The following GALNT13 variants were observed in gnomAD, a reference collection of about 807,000 sequenced individuals.
The protein encoded by GALNT13 is polypeptide N-acetylgalactosaminyltransferase 13, also known as UDP-GalNAc:polypeptide N-acetylgalactosaminyltransferase 13.
A neutral mutation model predicts 64.2 loss-of-function variants in GALNT13; 28 were observed. The observed-to-expected ratio is 0.44, with a 90% CI of 0.32 to 0.60. GALNT13 has a LOEUF of 0.60. Ranked by LOEUF, GALNT13 falls within the 20% of genes least tolerant of loss-of-function variation. The pLI is 0.05. For synonymous variants in GALNT13, 214 were observed against 224.6 expected, an observed-to-expected ratio of 0.95 and a Z score of 0.42; for missense variants, 577 against 669.8, an observed-to-expected ratio of 0.86 and a Z score of 1.53.
intron 9 of GALNT13, among the ~76,000 whole-genome samples, chr2:154,384,841 A>ATTTTTATCT (rs1420809463): frequency 2.0e-5 from 3 of 151,910 alleles, no homozygotes; most frequent in Non-Finnish European, 4.4e-5. Context: ...CATTCAGGAA[A>ATTTTTATCT]TTTTTATCTT....
Position 154,092,010 on chromosome 2 carries a change from G to A in GALNT13, c.143-48327G>A, listed in dbSNP as rs796519450. Among the ~76,000 whole-genome samples the A allele has an allele frequency of 2.2e-4, 31 of 144,096 alleles. 1 individual carries two copies. The highest frequency in any genetic ancestry group is 8.0e-4 in the African/African-American group (31 of 38,754). The allele number at this position is 144,096 out of a possible 152,430, so 94.5% of individuals were successfully genotyped here. A position where few individuals can be genotyped will look rare whatever the true frequency, so the allele number is the denominator to read the frequency against. On this transcript the variant is annotated intron_variant, in intron 3 of 12. Coordinates refer to ENST00000392825, the MANE Select transcript of GALNT13 (RefSeq NM_052917.4). The stretch of plus-strand genomic sequence containing the variant: ...TAGGCAAAAGCCCCATCTGGCAACC[G>A]TGTTACTACAAGCTAAGTACAGAGA...
the GALNT13 span, among the ~76,000 whole-genome samples, chr2:153,572,132 G>A: frequency 2.6e-5 from 4 of 151,620 alleles, no homozygotes; most frequent in East Asian, 1.9e-4. Context: ...CTAGCCATTG[G>A]TATATTCAGG....
intron 2 of GALNT13, among the ~76,000 whole-genome samples, chr2:153,941,931 A>G (rs1374224231): frequency 6.6e-6 from 1 of 152,198 alleles, no homozygotes; most frequent in African/African-American, 2.4e-5. Flanking sequence ...CTAGCAGGCT[A>G]TGAAATTAGG....
the GALNT13 span, among the ~76,000 whole-genome samples, chr2:153,211,432 C>T: frequency 2.3e-4 from 35 of 152,214 alleles, no homozygotes; most frequent in Admixed American, 1.8e-3. Context: ...TGTGAGCCAC[C>T]GCACCCAGCC....
chr2:153,403,577 G>A, the GALNT13 span, among the ~76,000 whole-genome samples: 3 of 152,194 alleles, frequency 2.0e-5, no homozygotes, highest in Non-Finnish European at 4.4e-5. Flanking sequence ...AGCAATCAGC[G>A]AGACTCCCTG....
At chr2:153,497,522 A>ATTTTTCTTTTTTT in the GALNT13 span, among the ~76,000 whole-genome samples, 1 of 36,896 alleles carries the variant, frequency 2.7e-5, no homozygotes, top group Non-Finnish European at 4.8e-5. Flanking sequence ...TTTCTCCCGC[A>ATTTTTCTTTTTTT]TTTTTTTTTT....
chr2:154,049,517 A>T (rs1216888303), intron 3 of GALNT13, among the ~76,000 whole-genome samples: 3 of 91,450 alleles, frequency 3.3e-5, no homozygotes, highest in Non-Finnish European at 6.2e-5. Context: ...TTTAAATATT[A>T]TATATATATA....
chr2:153,625,795 T>C, the GALNT13 span, among the ~76,000 whole-genome samples: 5 of 152,120 alleles, frequency 3.3e-5, no homozygotes, highest in Non-Finnish European at 5.9e-5. Flanking sequence ...CGTTCTTCAT[T>C]CTTCAGTCTG....
the GALNT13 span, among the ~76,000 whole-genome samples, chr2:153,805,445 T>C: frequency 6.6e-6 from 1 of 152,076 alleles, no homozygotes; most frequent in Non-Finnish European, 1.5e-5. Flanking sequence ...TTGTGACATG[T>C]AAAAACTCAG....
chr2:154,352,036 G>A (rs558175661), intron 9 of GALNT13, among the ~76,000 whole-genome samples: 13 of 152,106 alleles, frequency 8.5e-5, no homozygotes, highest in Admixed American at 5.2e-4. Flanking sequence ...TACTTTTTCA[G>A]TGTCATTTGA....
At chr2:153,974,607 A>G (rs2105137923) in intron 3 of GALNT13, among the ~76,000 whole-genome samples, 1 of 152,230 alleles carries the variant, frequency 6.6e-6, no homozygotes, top group Admixed American at 6.5e-5. Context: ...GAGTAGGCTA[A>G]TAAGCAATAA....
the GALNT13 span, among the ~76,000 whole-genome samples, chr2:153,277,658 C>T: frequency 2.0e-5 from 3 of 152,140 alleles, no homozygotes; most frequent in East Asian, 5.8e-4. Flanking sequence ...AATTAATTTA[C>T]ATTCTCACCA....
intron 4 of GALNT13, among the ~76,000 whole-genome samples, chr2:154,154,451 A>C (rs574050981): frequency 6.6e-6 from 1 of 152,348 alleles, no homozygotes; most frequent in East Asian, 1.9e-4. Context: ...ATAGTCAACA[A>C]GGAGATTTTA....
chr2:153,696,554 G>A, the GALNT13 span, among the ~76,000 whole-genome samples: 1 of 152,094 alleles, frequency 6.6e-6, no homozygotes, highest in East Asian at 1.9e-4. Context: ...CTATAATAAA[G>A]TTTAGTTTAT....
At chr2:153,791,084 A>T in the GALNT13 span, among the ~76,000 whole-genome samples, 1 of 152,196 alleles carries the variant, frequency 6.6e-6, no homozygotes, top group Non-Finnish European at 1.5e-5. Context: ...TTAAATAGGC[A>T]TATTACAAAA....
the GALNT13 span, among the ~76,000 whole-genome samples, chr2:153,467,661 GAACT>G: frequency 6.6e-6 from 1 of 151,976 alleles, no homozygotes; most frequent in Admixed American, 6.6e-5. Context: ...TGAAAACTTT[GAACT>G]AACATCCATA....
chr2:154,310,941 C>CATATATATTCATAGCATATTCTAAGA (rs1559083373), intron 9 of GALNT13, among the ~76,000 whole-genome samples: 1 of 129,450 alleles, frequency 7.7e-6, no homozygotes, highest in African/African-American at 3.1e-5. Flanking sequence ...TATTATTATT[C>CATATATATTCATAGCATATTCTAAGA]ATATATATTC....
chr2:153,236,160 C>G, the GALNT13 span, among the ~76,000 whole-genome samples: 7 of 151,998 alleles, frequency 4.6e-5, no homozygotes, highest in Admixed American at 3.3e-4. Flanking sequence ...AAGTGAGGAA[C>G]CTTCAGAAGA....
chr2:154,177,922 A>AT (rs1011520833), intron 4 of GALNT13, among the ~76,000 whole-genome samples: 13 of 152,162 alleles, frequency 8.5e-5, no homozygotes, highest in African/African-American at 3.1e-4. Context: ...TCAACTTGCC[A>AT]TTTTAAGAAT....
Sources: gnomAD v4.1 joint callset for allele counts (sites outside exome capture counted in the v4.1 genomes callset) on GRCh38, gnomAD v4.1.1 for gene constraint, MANE v1.5 for transcripts, NCBI Gene and HGNC (gene_info 2026-07-23, HGNC 2026-07-21) for gene names.